Variants in RICTOR observed in about 807,000 individuals in gnomAD.
RICTOR encodes RPTOR independent companion of MTOR complex 2, also known as rapamycin-insensitive companion of mTOR.
In RICTOR, 49 loss-of-function variants were observed where a neutral mutation model predicts 214.9. The observed-to-expected ratio is 0.23, with a 90% CI of 0.18 to 0.29. The LOEUF (loss-of-function observed/expected upper bound fraction) is 0.29. Among genes scored for constraint, RICTOR ranks in the 10% least tolerant of loss-of-function variants. RICTOR has a pLI of 1.00. For synonymous variants in RICTOR, 717 were observed against 711.3 expected (o/e 1.01, Z -0.13); for missense variants, 1,625 against 2,047.0 (o/e 0.79, Z 3.98).
chr5:39,016,890 A>G (rs991135830), intron 3 of RICTOR, among the ~76,000 whole-genome samples: 1 of 152,216 alleles, frequency 6.6e-6, no homozygotes, highest in African/African-American at 2.4e-5. Flanking sequence ...GTATGAAAAA[A>G]TAGTAAAATA....
intron 24 of RICTOR, 111 bp downstream of exon 24, chr5:38,958,332 T>C: frequency 1.4e-6 from 1 of 702,694 alleles, no homozygotes; most frequent in Non-Finnish European, 2.5e-6. Context: ...GTTTCAATAT[T>C]AAAAGGTAAA....
At chr5:38,957,961 G>A (rs1355533574) in intron 24 of RICTOR, among the ~76,000 whole-genome samples, 2 of 152,158 alleles carry the variant, frequency 1.3e-5, no homozygotes, top group African/African-American at 2.4e-5. Flanking sequence ...ATGTCAGCCA[G>A]GCACGGGGGC....
At chr5:39,035,845 G>T (rs974354199) in intron 2 of RICTOR, among the ~76,000 whole-genome samples, 5 of 152,210 alleles carry the variant, frequency 3.3e-5, no homozygotes, top group Admixed American at 3.3e-4. Flanking sequence ...TCTGATTGTT[G>T]TACCTGAAAG....
chr5:38,957,123 C>A (rs1749325528), intron 25 of RICTOR, among the ~76,000 whole-genome samples: 1 of 152,018 alleles, frequency 6.6e-6, no homozygotes, highest in Admixed American at 6.6e-5. Context: ...TAAAGAAAAG[C>A]TAGAAAAGTT....
rs535276387 is a variant in RICTOR, at chr5:39,035,003, G to A, written c.98-13867C>T. ...AGCACGCAGCTGGAGATCTGAGAAC[G>A]GGCAGACTGCCTCCTCAAGTGGGTC... On this transcript the variant is annotated intron_variant, in intron 2 of 37. Coordinates refer to ENST00000357387, the MANE Select transcript of RICTOR (RefSeq NM_152756.5). Among the ~76,000 whole-genome samples the A allele has an allele frequency of 5.3e-5, 8 of 152,292 alleles. No homozygotes were observed. The South Asian group carries it at 6.2e-4, about 12-fold the overall frequency.
chr5:38,944,660 G>C lies in RICTOR; in HGVS notation c.4790-91C>G, dbSNP rs1747975437. On this transcript the variant is annotated intron_variant, in intron 35 of 37. Transcript: ENST00000357387. ...AATTTATTTTTAAACTTCACCTAAA[G>C]ACCTAGAGATCAATTACACATGATC... The C allele has an allele frequency of 3.0e-5, 35 of 1,157,578 alleles. No individual in the cohort carries two copies. In the South Asian group the frequency reaches 5.3e-4, roughly 18 times the overall value. 71.7% of individuals were successfully genotyped at this position (1,157,578 alleles called of 1,614,324 possible).
intron 2 of RICTOR, among the ~76,000 whole-genome samples, chr5:39,044,920 C>G (rs1445203911): frequency 1.3e-5 from 2 of 152,164 alleles, no homozygotes; most frequent in Non-Finnish European, 2.9e-5. Flanking sequence ...TTCCCCTTAC[C>G]TAATCTTTTA....
At position 38,984,216 on chromosome 5, in the gene RICTOR, G is replaced by A. The variant is rs574700603; in HGVS notation, c.584-2180C>T. 4.8e-3 allele frequency among the ~76,000 whole-genome samples: 25 copies of A among 5,168 alleles called. No individual in the cohort carries two copies. In the East Asian group the frequency reaches 0.24, roughly 49 times the overall value. 3.4% of individuals were successfully genotyped at this position (5,168 alleles called of 152,430 possible). A position where few individuals can be genotyped will look rare whatever the true frequency, so the allele number is the denominator to read the frequency against. On this transcript the variant is annotated intron_variant, in intron 7 of 37. Coordinates refer to ENST00000357387, the MANE Select transcript of RICTOR (RefSeq NM_152756.5). ...AATCCATTCATATTATTAAGTTTCC[G>A]AATAACATAAAAACTATTCTCTTCA...
intron 2 of RICTOR, among the ~76,000 whole-genome samples, chr5:39,033,508 C>T (rs1017854320): frequency 2.0e-5 from 3 of 152,108 alleles, no homozygotes; most frequent in African/African-American, 4.8e-5. Flanking sequence ...CTGATCCACC[C>T]GTCTTGGCCT....
chr5:39,067,299 G>A (rs4321771), intron 2 of RICTOR, among the ~76,000 whole-genome samples: 2,686 of 152,064 alleles, frequency 0.018, 51 homozygotes, highest in East Asian at 0.05. Context: ...AGAGTAAGAG[G>A]GTAGGTGCAC....
chr5:39,020,024 T>C (rs569928766), intron 3 of RICTOR, among the ~76,000 whole-genome samples: 1 of 152,242 alleles, frequency 6.6e-6, no homozygotes, highest in Non-Finnish European at 1.5e-5. Flanking sequence ...TCATTGCAGA[T>C]GTGGAAGAAA....
In RICTOR at chr5:38,997,014, A is replaced by ATGGT; in HGVS notation, c.393-133_393-132insACCA. On this transcript the variant is annotated intron_variant, in intron 5 of 37. Transcript: ENST00000357387. Reference sequence around the variant, plus strand: ...TTATTGTTTTGGTATATGATTTCTCAGTACCAGCATATATTTATTTAATTA... The same window carrying ATGGT: ...TTATTGTTTTGGTATATGATTTCTCATGGTGTACCAGCATATATTTATTTAATTA... 8 of 658,174 alleles carry ATGGT rather than the reference A, an allele frequency of 1.2e-5. 1 individual carries two copies. In the South Asian group the frequency reaches 1.5e-4, roughly 12 times the overall value. 40.8% of individuals were successfully genotyped at this position (658,174 alleles called of 1,614,324 possible). A position where few individuals can be genotyped will look rare whatever the true frequency, so the allele number is the denominator to read the frequency against.
intron 5 of RICTOR, among the ~76,000 whole-genome samples, chr5:39,001,771 A>G (rs908611134): frequency 6.6e-6 from 1 of 152,100 alleles, no homozygotes; most frequent in Non-Finnish European, 1.5e-5. Context: ...GCCTAACATC[A>G]TCACTCACCG....
At chr5:39,059,412 A>C (rs1032834030) in intron 2 of RICTOR, among the ~76,000 whole-genome samples, 4 of 152,098 alleles carry the variant, frequency 2.6e-5, no homozygotes, top group South Asian at 2.1e-4. Context: ...AGGGTATTGC[A>C]ATATTATGTT....
At position 38,996,708 on chromosome 5, in the gene RICTOR, A is replaced by AAT. The variant is rs113024531; in HGVS notation, c.456+110_456+111insAT. 1.7e-4 allele frequency: 103 copies of AAT among 604,546 alleles called. 1 individual carries two copies. The African/African-American group carries it at 1.8e-3, about 10-fold the overall frequency. 37.4% of individuals were successfully genotyped at this position (604,546 alleles called of 1,614,324 possible). ...TAAAACTTTAATAAAAATGTTTAAT[A>AAT]AAAGTTTAGTCTTTAATCTTAATAA... On this transcript the variant is annotated intron_variant, in intron 6 of 37. Transcript: ENST00000357387.
rs1391987800 is a variant in RICTOR at position 38,941,296 on chromosome 5, A to G, written c.*1008T>C. ...TTTGGTACTTAAGGCTTTTCACTAC[A>G]ATTTTTCTCAATAACAAGCTTTATT... On this transcript the variant is annotated 3_prime_UTR_variant, in exon 38 of 38. Coordinates refer to ENST00000357387, the MANE Select transcript of RICTOR (RefSeq NM_152756.5). 1 of 230,804 alleles carries G rather than the reference A, an allele frequency of 4.3e-6. No homozygotes were observed. Among genetic ancestry groups the G allele is most frequent in the Non-Finnish European group, 8.6e-6 (1 of 116,950 alleles). The allele number at this position is 230,804 out of a possible 1,614,324, so 14.3% of individuals were successfully genotyped here.
At chr5:38,942,405 T>C (rs750193590) in intron 37 of RICTOR, 27 bp from the exon 38 acceptor site, 10 of 1,455,226 alleles carry the variant, frequency 6.9e-6, no homozygotes, top group Non-Finnish European at 9.6e-6. Context: ...GTATCATCAA[T>C]TACTTTTATA....
Position 38,942,333 on chromosome 5 carries a change from G to A in RICTOR, c.5098C>T (p.Pro1700Ser). 5 of 1,597,938 alleles carry A rather than the reference G, an allele frequency of 3.1e-6. No individual in the cohort carries two copies. Among genetic ancestry groups the A allele is most frequent in the Non-Finnish European group, 4.3e-6 (5 of 1,169,264 alleles). Residue 1700 changes from proline to serine, a missense_variant, in exon 38 of 38, where the codon CCT becomes TCT. This residue lies in a region of RICTOR where 38 missense variants were observed against 34.8 expected (regional missense o/e 1.09). Transcript: ENST00000357387. ...EAVLATPPKQPIVDTSAES is the reference protein window; with the variant it reads ...EAVLATPPKQSIVDTSAES ...GATTCAGCAGATGTATCAACTATAG[G>A]TTGCTTTGGTGGTGTTGCCAACACA...
intron 2 of RICTOR, among the ~76,000 whole-genome samples, chr5:39,027,797 A>G (rs1755948363): frequency 6.6e-6 from 1 of 152,226 alleles, no homozygotes; most frequent in African/African-American, 2.4e-5. Flanking sequence ...TAATTAGTAT[A>G]AAGTTAATTA....
Sources: allele counts gnomAD v4.1 joint callset (sites outside exome capture counted in the v4.1 genomes callset), GRCh38; gene constraint gnomAD v4.1.1; regional missense constraint gnomAD v4.1.1; transcripts MANE v1.5; gene names NCBI Gene and HGNC (gene_info 2026-07-23, HGNC 2026-07-21).